Variants in RBM47 observed in about 807,000 individuals in gnomAD.
RBM47 encodes RNA-binding protein 47.
Under a neutral mutation model 47.1 loss-of-function variants are expected in RBM47, and 21 were observed. That is an observed-to-expected ratio of 0.45 (90% CI 0.32 to 0.64). The LOEUF is 0.64. Among genes scored for constraint, RBM47 ranks in the 30% least tolerant of loss-of-function variants. The pLI is 0.05. For synonymous variants in RBM47, 375 were observed against 361.7 expected (o/e 1.04, Z -0.42); for missense variants, 708 against 870.9 (o/e 0.81, Z 2.35).
intron 3 of RBM47, among the ~76,000 whole-genome samples, chr4:40,456,571 CTTTTTTT>C (rs34320480): frequency 8.9e-6 from 1 of 112,578 alleles, no homozygotes; most frequent in African/African-American, 3.5e-5. Context: ...TTTCTTTTTT[CTTTTTTT>C]TTTTTTTTTG....
chr4:40,482,244 CT>C (rs1447167452), intron 2 of RBM47, among the ~76,000 whole-genome samples: 1 of 151,632 alleles, frequency 6.6e-6, no homozygotes, highest in African/African-American at 2.4e-5. Flanking sequence ...CCTGCATTCC[CT>C]TTTTTATCTT....
chr4:40,581,824 T>A (rs979355037), intron 1 of RBM47, among the ~76,000 whole-genome samples: 3 of 151,666 alleles, frequency 2.0e-5, no homozygotes, highest in Non-Finnish European at 4.4e-5. Flanking sequence ...GTCACAGAGC[T>A]CGGGAGCCCA....
At chr4:40,527,436 ATTTTTTTTTT>A (rs60524903) in intron 2 of RBM47, among the ~76,000 whole-genome samples, 5 of 104,706 alleles carry the variant, frequency 4.8e-5, no homozygotes, top group East Asian at 2.7e-4. Context: ...ACACCTGGCA[ATTTTTTTTTT>A]TTTTTTTTTT....
intron 1 of RBM47, among the ~76,000 whole-genome samples, chr4:40,618,977 C>T (rs979406635): frequency 6.6e-6 from 1 of 152,004 alleles, no homozygotes; most frequent in Admixed American, 6.6e-5. Flanking sequence ...CAGATCAGAA[C>T]CCCCCATCCT....
At chr4:40,527,848 T>A (rs977168103) in intron 2 of RBM47, among the ~76,000 whole-genome samples, 6 of 152,082 alleles carry the variant, frequency 3.9e-5, no homozygotes, top group Non-Finnish European at 8.8e-5. Context: ...AATCTTCCAA[T>A]ATAGTCCAGT....
intron 1 of RBM47, among the ~76,000 whole-genome samples, chr4:40,627,814 A>C (rs1737881386): frequency 6.6e-6 from 1 of 152,204 alleles, no homozygotes; most frequent in Non-Finnish European, 1.5e-5. Context: ...TGCTTTGGGC[A>C]GAATTCTTTC....
At chr4:40,584,230 C>T (rs1395880517) in intron 1 of RBM47, among the ~76,000 whole-genome samples, 1 of 152,078 alleles carries the variant, frequency 6.6e-6, no homozygotes. Flanking sequence ...TCCCAATGTG[C>T]TAGGATTACC....
intron 5 of RBM47, among the ~76,000 whole-genome samples, chr4:40,434,703 CAAAAAAAAAAA>C (rs201921796): frequency 2.9e-5 from 3 of 103,730 alleles, no homozygotes; most frequent in Non-Finnish European, 3.9e-5. Flanking sequence ...TTTACACAGG[CAAAAAAAAAAA>C]AAAAAAAAAA....
intron 6 of RBM47, among the ~76,000 whole-genome samples, chr4:40,431,160 G>A (rs530844573): frequency 6.0e-4 from 91 of 152,218 alleles, no homozygotes; most frequent in South Asian, 4.1e-3. Context: ...ACTTGTGATC[G>A]GTATTCATGA....
At chr4:40,445,283 A>G (rs937639173) in intron 3 of RBM47, among the ~76,000 whole-genome samples, 8 of 152,088 alleles carry the variant, frequency 5.3e-5, no homozygotes, top group African/African-American at 1.9e-4. Flanking sequence ...CAAAAAAAAA[A>G]AAAAAAAAAG....
rs1713074926 is a variant in RBM47, at chr4:40,438,486, G to A, written c.408C>T (p.Ile136=). The change falls in exon 4 of 7, where the codon ATC becomes ATT. Residue 136 remains isoleucine, a synonymous_variant. Coordinates refer to ENST00000295971, the MANE Select transcript of RBM47 (RefSeq NM_001098634.2). The part of the protein sequence containing the change: ...RAVRELNNYE[I]RPGRLLGVCC... ...ACACGCCGAGCAGGCGGCCCGGGCG[G>A]ATCTCGTAGTTGTTGAGCTCACGCA... 2.5e-6 allele frequency: 4 copies of A among 1,613,420 alleles called. No homozygotes were observed. Among genetic ancestry groups the A allele is most frequent in the Non-Finnish European group, 1.7e-6 (2 of 1,179,920 alleles).
rs148222147 is a variant in RBM47 at position 40,439,433 on chromosome 4, T to C, written c.-31-509A>G. Among the ~76,000 whole-genome samples, 773 of 152,318 alleles carry C rather than the reference T, an allele frequency of 5.1e-3. 3 individuals are homozygous for C. Among genetic ancestry groups the C allele is most frequent in the Non-Finnish European group, 7.7e-3 (522 of 68,030 alleles). ...AAAGAAAACTTTTAGGAGCTGTCAT[T>C]GTATAGAGAGAGCTGTGTATTAAAG... On this transcript the variant is annotated intron_variant, in intron 3 of 6. Transcript: ENST00000295971.
At chr4:40,436,171 CA>C (rs68002544) in intron 5 of RBM47, among the ~76,000 whole-genome samples, 93,292 of 129,432 alleles carry the variant, frequency 0.72, 33,856 homozygotes, top group South Asian at 0.81. Context: ...GACTCTGTCT[CA>C]AAAAAAAAAA....
chr4:40,573,616 G>A (rs1481249135), intron 1 of RBM47, among the ~76,000 whole-genome samples: 2 of 151,774 alleles, frequency 1.3e-5, no homozygotes, highest in Admixed American at 6.6e-5. Flanking sequence ...GGTAGCATGT[G>A]CCTGTAGTCC....
chr4:40,432,083 G>A (rs1034286557), intron 6 of RBM47, among the ~76,000 whole-genome samples: 1 of 151,738 alleles, frequency 6.6e-6, no homozygotes, highest in African/African-American at 2.4e-5. Context: ...TGAACTCCTG[G>A]CCTCAAGTGA....
intron 3 of RBM47, among the ~76,000 whole-genome samples, chr4:40,461,058 CTTAAA>C (rs1025493755): frequency 3.3e-5 from 5 of 152,084 alleles, no homozygotes; most frequent in East Asian, 1.9e-4. Context: ...GAAATATGCA[CTTAAA>C]TTAAGAATGG....
chr4:40,434,521 C>G (rs142439937), intron 5 of RBM47, among the ~76,000 whole-genome samples: 1 of 152,204 alleles, frequency 6.6e-6, no homozygotes, highest in Non-Finnish European at 1.5e-5. Context: ...GCTACCGTAA[C>G]TTGCCAAAGG....
chr4:40,514,237 T>G (rs182359483), intron 2 of RBM47, among the ~76,000 whole-genome samples: 3 of 152,304 alleles, frequency 2.0e-5, no homozygotes, highest in African/African-American at 7.2e-5. Flanking sequence ...TGCTAAAGGA[T>G]TCTGATTCAG....
rs764175497 is a variant in RBM47 at position 40,438,015 on chromosome 4, A to G, written c.879T>C (p.Asp293=). Residue 293 remains aspartate (D), a synonymous_variant, in exon 4 of 7, where the codon GAT becomes GAC. Coordinates refer to ENST00000295971, the MANE Select transcript of RBM47 (RefSeq NM_001098634.2). ...YAFVHFTSRE[D]AVHAMNNLNG... is the part of the protein sequence containing the mutation. ...TGAGGTTGTTCATGGCATGCACGGCATCCTCGCGGCTGGTGAAGTGCACGA... is the reference window on the plus strand; with the variant it reads ...TGAGGTTGTTCATGGCATGCACGGCGTCCTCGCGGCTGGTGAAGTGCACGA... 5.6e-6 allele frequency: 9 copies of G among 1,613,684 alleles called. No homozygotes were observed. Among genetic ancestry groups the G allele is most frequent in the Non-Finnish European group, 7.6e-6 (9 of 1,180,018 alleles).
Sources: gnomAD v4.1 joint callset for allele counts (sites outside exome capture counted in the v4.1 genomes callset) on GRCh38, gnomAD v4.1.1 for gene constraint, MANE v1.5 for transcripts, NCBI Gene and HGNC (gene_info 2026-07-23, HGNC 2026-07-21) for gene names.